The following POLR3K variants were observed in gnomAD, a reference collection of about 807,000 sequenced individuals.
POLR3K encodes DNA-directed RNA polymerase III subunit RPC10.
A neutral mutation model predicts 13.5 loss-of-function variants in POLR3K; 11 were observed. That is an observed-to-expected ratio of 0.81 (90% CI 0.51 to 1.35). POLR3K has a LOEUF of 1.35. Among genes scored for constraint, POLR3K ranks in the 40% most tolerant of loss-of-function variants. The pLI, the probability that POLR3K is intolerant of heterozygous loss-of-function variation, is 0.00. For missense variants in POLR3K, 144 were observed against 145.3 expected, an observed-to-expected ratio of 0.99 and a Z score of 0.05; for synonymous variants, 56 against 51.5, an observed-to-expected ratio of 1.09 and a Z score of -0.38.
intron 2 of POLR3K, among the ~76,000 whole-genome samples, chr16:47,849 CAAAAAAAAAA>C (rs750499325): frequency 2.8e-5 from 1 of 35,158 alleles, no homozygotes; most frequent in Non-Finnish European, 4.9e-5. Context: ...CCACTGCACT[CAAAAAAAAAA>C]AAAAAAAAAA....
intron 1 of POLR3K, 134 bp downstream of exon 1, chr16:53,342 C>T (rs983674201): frequency 7.7e-6 from 11 of 1,423,424 alleles, no homozygotes; most frequent in Non-Finnish European, 9.2e-6. Flanking sequence ...CACAGATCTG[C>T]TGCAGACCAG....
chr16:51,806 G>A, intron 1 of POLR3K, 161 bp from the exon 2 acceptor site: 2 of 569,296 alleles, frequency 3.5e-6, no homozygotes, highest in South Asian at 2.0e-5. Context: ...GGATCACGAG[G>A]TCAAGAGATC....
At chr16:47,753 C>T (rs556012204) in intron 2 of POLR3K, among the ~76,000 whole-genome samples, 196 bp from the exon 3 acceptor site, 34 of 141,266 alleles carry the variant, frequency 2.4e-4, no homozygotes, top group African/African-American at 8.4e-4. Context: ...TGGTGGCGGG[C>T]GCCTTTAATC....
intron 2 of POLR3K, among the ~76,000 whole-genome samples, chr16:49,092 G>A (rs1216350313): frequency 1.3e-5 from 2 of 151,566 alleles, no homozygotes; most frequent in African/African-American, 2.4e-5. Flanking sequence ...GCATAGGTTT[G>A]CAGTGAGCAG....
At chr16:50,362 C>T (rs572580431) in intron 2 of POLR3K, among the ~76,000 whole-genome samples, 1 of 152,278 alleles carries the variant, frequency 6.6e-6, no homozygotes, top group African/African-American at 2.4e-5. Context: ...CTCTCCTGGC[C>T]ACATCTATGT....
chr16:52,873 C>T (rs1185825596), intron 1 of POLR3K: 2 of 149,342 alleles, frequency 1.3e-5, no homozygotes, highest in Middle Eastern at 3.2e-3. Flanking sequence ...GAAACAATTA[C>T]AAAGGGAAGG....
chr16:48,470 T>C (rs1897302729), intron 2 of POLR3K, among the ~76,000 whole-genome samples: 1 of 152,146 alleles, frequency 6.6e-6, no homozygotes. Context: ...GGTTAGATGG[T>C]GGAAGAGTTT....
At chr16:47,583 C>T in intron 2 of POLR3K, 26 bp from the exon 3 acceptor site, 1 of 1,605,508 alleles carries the variant, frequency 6.2e-7, no homozygotes, top group Non-Finnish European at 8.5e-7. Context: ...AAGAAGTGAC[C>T]ACATTTAAAA....
rs1300242200 is a variant in POLR3K, at chr16:53,564, C to G, written c.23G>C (p.Cys8Ser). The G allele has an allele frequency of 1.2e-6, 2 of 1,613,092 alleles. No individual in the cohort carries two copies. Among genetic ancestry groups the G allele is most frequent in the Non-Finnish European group, 8.5e-7 (1 of 1,179,676 alleles). ...CTCCTCCACGATCAGCCCGTTCCCG[C>G]AGCCGGGGCAGAACAGCAGCATGGT... Reference protein sequence around the residue: MLLFCPGCGNGLIVEEGQ... With the variant: MLLFCPGSGNGLIVEEGQ... Residue 8 changes from cysteine (C) to serine (S), a missense_variant, in exon 1 of 3, where the codon TGC (cysteine) becomes TCC (serine). Cys to Ser is a moderately radical substitution (Grantham distance 112). Coordinates refer to ENST00000293860, the MANE Select transcript of POLR3K (RefSeq NM_016310.5).
intron 2 of POLR3K, among the ~76,000 whole-genome samples, chr16:48,373 C>G (rs1229297221): frequency 6.6e-6 from 1 of 152,170 alleles, no homozygotes; most frequent in East Asian, 1.9e-4. Flanking sequence ...TCAAATCCAG[C>G]TGAAGGCTGG....
chr16:51,021 C>T (rs548537484), intron 2 of POLR3K, among the ~76,000 whole-genome samples: 1 of 152,122 alleles, frequency 6.6e-6, no homozygotes, highest in African/African-American at 2.4e-5. Context: ...GGGGGGAAAC[C>T]GCTCCCATGA....
chr16:53,009 A>T (rs216594), intron 1 of POLR3K: 133,718 of 158,484 alleles, frequency 0.84, 56,876 homozygotes, highest in African/African-American at 0.93. Context: ...TAGCACCATG[A>T]GCACGATGAG....
In POLR3K at chr16:47,196, G is replaced by C. The variant is rs1004240654; in HGVS notation, c.*234C>G. ...TAGGACTTTACACAGAGCATATTTA[G>C]TTATGGGTCTCTGTCTCCTCCCCAC... On this transcript the variant is annotated 3_prime_UTR_variant, in exon 3 of 3. Coordinates refer to ENST00000293860, the MANE Select transcript of POLR3K (RefSeq NM_016310.5). 1.6e-5 allele frequency: 6 copies of C among 371,180 alleles called. No homozygotes were observed. The highest frequency in any genetic ancestry group is 1.0e-4 in the African/African-American group (5 of 48,648). 23.0% of individuals were successfully genotyped at this position (371,180 alleles called of 1,614,324 possible). A position where few individuals can be genotyped will look rare whatever the true frequency, so the allele number is the denominator to read the frequency against.
intron 1 of POLR3K, among the ~76,000 whole-genome samples, chr16:52,651 A>G (rs982401219): frequency 1.3e-5 from 2 of 150,180 alleles, no homozygotes; most frequent in African/African-American, 4.9e-5. Flanking sequence ...CTGTAGTCCC[A>G]GCTAATTGGG....
chr16:53,127 G>C lies in POLR3K; in HGVS notation c.111+349C>G, dbSNP rs1897357617. 3.1e-5 allele frequency: 8 copies of C among 254,162 alleles called. No homozygotes were observed. The East Asian group carries it at 6.5e-4, about 21-fold the overall frequency. 15.7% of individuals were successfully genotyped at this position (254,162 alleles called of 1,614,324 possible). A position where few individuals can be genotyped will look rare whatever the true frequency, so the allele number is the denominator to read the frequency against. ...AGGGAGTCAGTGTCGGAACCTGGTA[G>C]GCCCTGGGAGAACTCCGGCTTTTCG... is the stretch of plus-strand genomic sequence containing the variant. On this transcript the variant is annotated intron_variant, in intron 1 of 2. Coordinates refer to ENST00000293860, the MANE Select transcript of POLR3K (RefSeq NM_016310.5).
At position 53,557 on chromosome 16, in the gene POLR3K, G is replaced by C. The variant is rs199971107; in HGVS notation, c.30C>G (p.Asn10Lys). The change falls in exon 1 of 3, where the codon AAC becomes AAG. Residue 10 changes from asparagine to lysine, a missense_variant. By Grantham distance (94) the Asn-to-Lys change is moderately conservative. Coordinates refer to ENST00000293860, the MANE Select transcript of POLR3K (RefSeq NM_016310.5). MLLFCPGCGNGLIVEEGQRC... is the reference protein window; with the variant it reads MLLFCPGCGKGLIVEEGQRC... ...GTTGTCCCTCCTCCACGATCAGCCC[G>C]TTCCCGCAGCCGGGGCAGAACAGCA... 5.0e-6 allele frequency: 8 copies of C among 1,613,114 alleles called. No homozygotes were observed. In the East Asian group the frequency reaches 6.7e-5, roughly 14 times the overall value.
chr16:53,336 G>A (rs1339291387), intron 1 of POLR3K, 140 bp downstream of exon 1: 1 of 1,411,428 alleles, frequency 7.1e-7, no homozygotes, highest in Non-Finnish European at 9.3e-7. Flanking sequence ...AGAGCCCACA[G>A]ATCTGCTGCA....
intron 1 of POLR3K, among the ~76,000 whole-genome samples, chr16:52,756 A>G: frequency 7.4e-6 from 1 of 134,810 alleles, no homozygotes; most frequent in African/African-American, 2.9e-5. Context: ...ACAGAGCGGG[A>G]CTCCGTCTCA....
chr16:46,870 T>A lies in POLR3K; in HGVS notation c.*560A>T, dbSNP rs1011430497. 2 of 152,034 alleles carry A rather than the reference T, an allele frequency of 1.3e-5. No homozygotes were observed. The highest frequency in any genetic ancestry group is 6.6e-5 in the Admixed American group (1 of 15,266). The allele number at this position is 152,034 out of a possible 1,614,324, so 9.4% of individuals were successfully genotyped here. On this transcript the variant is annotated 3_prime_UTR_variant, in exon 3 of 3. Coordinates refer to ENST00000293860, the MANE Select transcript of POLR3K (RefSeq NM_016310.5). ...ATAAAGAAAGAAATTGAAATCCCGG[T>A]GATTAACATTTTCGTAGCCTGTTCA...
Sources: allele counts gnomAD v4.1 joint callset (sites outside exome capture counted in the v4.1 genomes callset), GRCh38; gene constraint gnomAD v4.1.1; transcripts MANE v1.5; gene names NCBI Gene and HGNC (gene_info 2026-07-23, HGNC 2026-07-21).